The following DIS3L2 variants were observed in gnomAD, a reference collection of about 807,000 sequenced individuals.
DIS3L2 encodes the protein DIS3-like exonuclease 2.
DIS3L2 carries 34 observed loss-of-function variants against 97.5 expected under a neutral mutation model. The observed-to-expected ratio is 0.35, with a 90% CI of 0.27 to 0.46. The LOEUF is 0.46. Among genes scored for constraint, DIS3L2 ranks in the 20% least tolerant of loss-of-function variants. The probability of loss-of-function intolerance (pLI) is 1.00; values close to 1 mark genes in which losing one functional copy is unlikely to be tolerated. For synonymous variants in DIS3L2, 435 were observed against 445.2 expected, an observed-to-expected ratio of 0.98 and a Z score of 0.29; for missense variants, 1,038 against 1,146.0, an observed-to-expected ratio of 0.91 and a Z score of 1.36.
chr2:232,122,977 A>G (rs1697953524), intron 6 of DIS3L2, among the ~76,000 whole-genome samples: 1 of 152,226 alleles, frequency 6.6e-6, no homozygotes, highest in Non-Finnish European at 1.5e-5. Context: ...GCTATCTGTC[A>G]TGCCTATGGA....
intron 1 of DIS3L2, among the ~76,000 whole-genome samples, chr2:232,014,332 C>A (rs1047814659): frequency 6.6e-6 from 1 of 152,108 alleles, no homozygotes; most frequent in Admixed American, 6.5e-5. Flanking sequence ...TAGTTTGGGA[C>A]GTCAAGTTGT....
At chr2:232,328,123 C>T (rs939096476) in intron 14 of DIS3L2, among the ~76,000 whole-genome samples, 6 of 152,166 alleles carry the variant, frequency 3.9e-5, no homozygotes, top group African/African-American at 7.2e-5. Context: ...CATCACAGGC[C>T]GTTACTGCCA....
chr2:232,298,662 G>T (rs1195196014), intron 13 of DIS3L2, among the ~76,000 whole-genome samples: 1 of 152,148 alleles, frequency 6.6e-6, no homozygotes, highest in African/African-American at 2.4e-5. Flanking sequence ...CAGATCATTA[G>T]CTGTGTTCGC....
chr2:232,005,170 A>ATTTTTTTTTTTTTTTT (rs55757645), intron 1 of DIS3L2, among the ~76,000 whole-genome samples: 3 of 126,562 alleles, frequency 2.4e-5, no homozygotes, highest in Admixed American at 8.4e-5. Context: ...AAGAATCTTG[A>ATTTTTTTTTTTTTTTT]TTTTTTTTTT....
intron 9 of DIS3L2, among the ~76,000 whole-genome samples, chr2:232,175,926 G>A (rs749776177): frequency 2.3e-4 from 34 of 150,898 alleles, no homozygotes; most frequent in Admixed American, 5.3e-4. Context: ...TTTCACTCTT[G>A]TTGTCCAAAC....
chr2:232,197,602 T>C (rs1691789377), intron 9 of DIS3L2, among the ~76,000 whole-genome samples: 2 of 152,276 alleles, frequency 1.3e-5, no homozygotes, highest in African/African-American at 4.8e-5. Flanking sequence ...AGAGAAACTT[T>C]TTCTTGTAGA....
At chr2:232,223,854 A>G (rs901788) in intron 10 of DIS3L2, among the ~76,000 whole-genome samples, 36,261 of 152,222 alleles carry the variant, frequency 0.24, 4,731 homozygotes, top group South Asian at 0.47. Flanking sequence ...TTGGGAGGAC[A>G]AGATGGGAGG....
rs558997198 is a variant in DIS3L2 at position 232,117,400 on chromosome 2, C to T, written c.602-13219C>T. Among the ~76,000 whole-genome samples the T allele has an allele frequency of 4.6e-5, 7 of 152,278 alleles. No individual in the cohort carries two copies. The South Asian group carries it at 8.3e-4, about 18-fold the overall frequency. On this transcript the variant is annotated intron_variant, in intron 6 of 20. Transcript: ENST00000325385. Reference sequence around the variant, plus strand: ...GTCTTGGTTACTTCACAGGTTCTTACGTAAATCAGATGATTCTTGCATAGA... The same window carrying T: ...GTCTTGGTTACTTCACAGGTTCTTATGTAAATCAGATGATTCTTGCATAGA...
rs1694031906 is a variant in DIS3L2, at chr2:232,005,620, A to G, written c.-93-9215A>G. The stretch of plus-strand genomic sequence containing the variant: ...CCCTACTAATACCAGTTACTTGTCC[A>G]GATTCCTACTCCTCCCAACAGCCTT... On this transcript the variant is annotated intron_variant, in intron 1 of 20. Transcript: ENST00000325385. 2.6e-5 allele frequency among the ~76,000 whole-genome samples: 4 copies of G among 152,202 alleles called. No homozygotes were observed. In the South Asian group the frequency reaches 8.3e-4, roughly 31 times the overall value.
downstream of DIS3L2, among the ~76,000 whole-genome samples, chr2:232,340,221 A>T (rs912138233): frequency 1.3e-5 from 2 of 152,180 alleles, no homozygotes; most frequent in Non-Finnish European, 2.9e-5. Context: ...GGATCCTGGA[A>T]AGCAGAAGGT....
chr2:232,093,914 A>G (rs1696922082), intron 6 of DIS3L2, among the ~76,000 whole-genome samples: 2 of 151,692 alleles, frequency 1.3e-5, no homozygotes, highest in Non-Finnish European at 2.9e-5. Context: ...TTGGTTTGCT[A>G]TTGCTTTTCT....
At chr2:232,223,525 A>T (rs1036650982) in intron 10 of DIS3L2, among the ~76,000 whole-genome samples, 1 of 152,212 alleles carries the variant, frequency 6.6e-6, no homozygotes, top group Admixed American at 6.5e-5. Flanking sequence ...CTTTAAAAAT[A>T]TTTACAGTAA....
At chr2:232,093,372 G>C (rs1374252863) in intron 6 of DIS3L2, among the ~76,000 whole-genome samples, 1 of 151,998 alleles carries the variant, frequency 6.6e-6, no homozygotes, top group African/African-American at 2.4e-5. Flanking sequence ...GTCTTTATCT[G>C]TTTTTGATAT....
chr2:232,193,725 C>T (rs1574937698), intron 9 of DIS3L2, among the ~76,000 whole-genome samples: 1 of 152,178 alleles, frequency 6.6e-6, no homozygotes, highest in East Asian at 1.9e-4. Context: ...CCCAAGGTAT[C>T]ACCCAAAGTA....
intron 10 of DIS3L2, among the ~76,000 whole-genome samples, chr2:232,220,829 A>G (rs1230577000): frequency 2.0e-5 from 3 of 152,074 alleles, no homozygotes. Flanking sequence ...TAGGCTGGGC[A>G]TGGTGGCTCA....
intron 9 of DIS3L2, among the ~76,000 whole-genome samples, chr2:232,201,065 G>A (rs192220844): frequency 1.4e-3 from 207 of 152,300 alleles, no homozygotes; most frequent in Non-Finnish European, 2.3e-3. Context: ...GTGAGCCACC[G>A]TGCCTGGCCC....
chr2:232,212,573 A>G (rs1692220891), intron 10 of DIS3L2, among the ~76,000 whole-genome samples: 2 of 152,228 alleles, frequency 1.3e-5, no homozygotes, highest in Non-Finnish European at 2.9e-5. Context: ...GATAGGAAAG[A>G]TAGATTGGGG....
intron 13 of DIS3L2, among the ~76,000 whole-genome samples, chr2:232,287,671 C>T (rs1574995622): frequency 6.6e-6 from 1 of 152,216 alleles, no homozygotes; most frequent in African/African-American, 2.4e-5. Context: ...TGATTACAGA[C>T]GTGAGCCACC....
chr2:232,148,661 T>A (rs1690294917), intron 8 of DIS3L2, among the ~76,000 whole-genome samples: 1 of 151,342 alleles, frequency 6.6e-6, no homozygotes, highest in African/African-American at 2.4e-5. Context: ...CTCTTTGGAC[T>A]CAGAGTATAA....
Sources: allele counts gnomAD v4.1 joint callset (sites outside exome capture counted in the v4.1 genomes callset), GRCh38; gene constraint gnomAD v4.1.1; transcripts MANE v1.5; gene names NCBI Gene and HGNC (gene_info 2026-07-23, HGNC 2026-07-21).